Variants in TMA16 observed in about 807,000 individuals in gnomAD.
The protein encoded by TMA16 is translation machinery-associated protein 16.
Under a neutral mutation model 27.1 loss-of-function variants are expected in TMA16, and 26 were observed. The observed-to-expected ratio is 0.96, with a 90% CI of 0.70 to 1.33. TMA16 has a LOEUF of 1.33. Among genes scored for constraint, TMA16 ranks in the 40% most tolerant of loss-of-function variants. TMA16 has a pLI of 0.00. For synonymous variants in TMA16, 71 were observed against 81.9 expected (o/e 0.87, Z 0.72); for missense variants, 233 against 241.4 (o/e 0.97, Z 0.23).
chr4:163,495,279 G>T (rs770563972), intron 1 of TMA16, among the ~76,000 whole-genome samples: 3 of 152,146 alleles, frequency 2.0e-5, no homozygotes, highest in Non-Finnish European at 2.9e-5. Flanking sequence ...TCGCTCCAGG[G>T]CACTGAAGCA....
At chr4:163,514,624 C>A (rs568873821) in intron 4 of TMA16, among the ~76,000 whole-genome samples, 1 of 152,194 alleles carries the variant, frequency 6.6e-6, no homozygotes, top group Non-Finnish European at 1.5e-5. Flanking sequence ...AAAGTTGGGA[C>A]CTTATCCAAG....
At chr4:163,510,663 G>A (rs553525564) in intron 2 of TMA16, among the ~76,000 whole-genome samples, 25 of 152,032 alleles carry the variant, frequency 1.6e-4, no homozygotes, top group African/African-American at 5.8e-4. Flanking sequence ...GTCTATGTTC[G>A]TTTGGTTATA....
chr4:163,497,815 G>T (rs1156474607), intron 1 of TMA16, among the ~76,000 whole-genome samples: 1 of 152,154 alleles, frequency 6.6e-6, no homozygotes, highest in African/African-American at 2.4e-5. Context: ...TCAGGGCGTG[G>T]ATATCTTTTG....
intron 1 of TMA16, among the ~76,000 whole-genome samples, chr4:163,500,376 A>T (rs962115537): frequency 6.6e-6 from 1 of 151,900 alleles, no homozygotes; most frequent in African/African-American, 2.4e-5. Context: ...ACGCCTGGCT[A>T]ATTTTTGTAT....
At chr4:163,498,193 A>G (rs1355192795) in intron 1 of TMA16, among the ~76,000 whole-genome samples, 1 of 152,130 alleles carries the variant, frequency 6.6e-6, no homozygotes, top group Non-Finnish European at 1.5e-5. Context: ...TACCACAGAC[A>G]TTGCAATACT....
chr4:163,503,704 CAG>C (rs1737679834), intron 1 of TMA16, among the ~76,000 whole-genome samples: 1 of 151,612 alleles, frequency 6.6e-6, no homozygotes, highest in African/African-American at 2.4e-5. Context: ...TCTGTGGTGC[CAG>C]AGTCTTTTCA....
In TMA16 at chr4:163,494,721, T is replaced by C. The variant is rs139765399; in HGVS notation, c.-81T>C. The C allele has an allele frequency of 1.1e-3, 1,764 of 1,605,418 alleles. 12 individuals are homozygous for C. The African/African-American group carries it at 0.022, about 20-fold the overall frequency. ...CACGTGGGATTCGGCCCGGGTGCTC[T>C]TGTGAGCTGCTGCTCCTGCGGTTGG... On this transcript the variant is annotated 5_prime_UTR_variant, in exon 1 of 7. Transcript: ENST00000358572.
chr4:163,517,345 A>G (rs777717884), intron 5 of TMA16, 89 bp from the exon 6 acceptor site: 6 of 1,319,798 alleles, frequency 4.5e-6, no homozygotes, highest in Non-Finnish European at 6.4e-6. Context: ...TCTGTTGGAT[A>G]TTCTTGCTAA....
rs898575405 is a variant in TMA16 at position 163,519,939 on chromosome 4, T to C, written c.*425T>C. 8.6e-6 allele frequency: 5 copies of C among 581,904 alleles called. No individual in the cohort carries two copies. Among genetic ancestry groups the C allele is most frequent in the African/African-American group, 1.9e-5 (1 of 52,006 alleles). The allele number at this position is 581,904 out of a possible 1,614,324, so 36.0% of individuals were successfully genotyped here. On this transcript the variant is annotated 3_prime_UTR_variant, in exon 7 of 7. Transcript: ENST00000358572. ...TTGTTTTTCGGTAATAATATCACAC[T>C]AATGCTTCTTTTAAACATTAAACCT...
chr4:163,503,793 T>G (rs1737681746), intron 1 of TMA16, among the ~76,000 whole-genome samples: 1 of 152,146 alleles, frequency 6.6e-6, no homozygotes, highest in Non-Finnish European at 1.5e-5. Flanking sequence ...GTTGAAACAT[T>G]TTTTTCCAAA....
chr4:163,512,853 C>G lies in TMA16; in HGVS notation c.148C>G (p.Leu50Val). The G allele has an allele frequency of 6.2e-7, 1 of 1,606,558 alleles. No individual in the cohort carries two copies. Among genetic ancestry groups the G allele is most frequent in the Non-Finnish European group, 8.5e-7 (1 of 1,175,052 alleles). The change falls in exon 3 of 7, where the codon CTT (leucine) becomes GTT (valine). Residue 50 changes from leucine (L) to valine (V), a missense_variant. Physicochemically the swap from Leu to Val is conservative, Grantham distance 32. Transcript: ENST00000358572. ...GAATGAAAAGGCCTTGCGTCTCAACCTTGTTGGTAAGTGGGTTTACTTATT... is the reference window on the plus strand; with the variant it reads ...GAATGAAAAGGCCTTGCGTCTCAACGTTGTTGGTAAGTGGGTTTACTTATT... ...LKNEKALRLNLVGEKLQWFQN... is the reference protein window; with the variant it reads ...LKNEKALRLNVVGEKLQWFQN...
chr4:163,502,115 T>A (rs939163968), intron 1 of TMA16, among the ~76,000 whole-genome samples: 1 of 152,154 alleles, frequency 6.6e-6, no homozygotes, highest in African/African-American at 2.4e-5. Context: ...GTAGAGAATC[T>A]GGGAGAAGTT....
intron 1 of TMA16, among the ~76,000 whole-genome samples, chr4:163,498,376 C>T (rs1380735110): frequency 2.0e-5 from 3 of 150,620 alleles, no homozygotes; most frequent in Non-Finnish European, 4.4e-5. Context: ...CAAGCTCTGC[C>T]TCCCGGGTTC....
At chr4:163,508,034 T>A (rs1737741791) in intron 2 of TMA16, among the ~76,000 whole-genome samples, 2 of 152,116 alleles carry the variant, frequency 1.3e-5, no homozygotes, top group South Asian at 4.1e-4. Context: ...TTTTCTTTAT[T>A]TTCTGCAGGG....
intron 6 of TMA16, 89 bp downstream of exon 6, chr4:163,517,565 C>G: frequency 8.1e-7 from 1 of 1,232,792 alleles, no homozygotes; most frequent in Non-Finnish European, 1.1e-6. Context: ...GCCGGTAGAA[C>G]TAAAAGAAAA....
At position 163,519,943 on chromosome 4, in the gene TMA16, G is replaced by T; in HGVS notation, c.*429G>T. 1.7e-6 allele frequency: 1 copy of T among 581,542 alleles called. No individual in the cohort carries two copies. Among genetic ancestry groups the T allele is most frequent in the Admixed American group, 2.9e-5 (1 of 34,378 alleles). The allele number at this position is 581,542 out of a possible 1,614,324, so 36.0% of individuals were successfully genotyped here. A position where few individuals can be genotyped will look rare whatever the true frequency, so the allele number is the denominator to read the frequency against. On this transcript the variant is annotated 3_prime_UTR_variant, in exon 7 of 7. Coordinates refer to ENST00000358572, the MANE Select transcript of TMA16 (RefSeq NM_018352.3). Reference sequence around the variant, plus strand: ...TTTTCGGTAATAATATCACACTAATGCTTCTTTTAAACATTAAACCTATTT... The same window carrying T: ...TTTTCGGTAATAATATCACACTAATTCTTCTTTTAAACATTAAACCTATTT...
intron 1 of TMA16, among the ~76,000 whole-genome samples, chr4:163,505,887 G>C (rs1737712401): frequency 6.6e-6 from 1 of 152,188 alleles, no homozygotes; most frequent in Non-Finnish European, 1.5e-5. Flanking sequence ...TTAAGCAATT[G>C]ACAATAATTT....
intron 5 of TMA16, 150 bp from the exon 6 acceptor site, chr4:163,517,284 C>A (rs1168371871): frequency 1.3e-5 from 9 of 671,704 alleles, no homozygotes; most frequent in Non-Finnish European, 2.3e-5. Flanking sequence ...TAAACTAACC[C>A]CTTTTGCAAA....
chr4:163,514,037 T>C lies in TMA16; in HGVS notation c.155-37T>C, dbSNP rs77487778. 545 of 1,486,416 alleles carry C rather than the reference T, an allele frequency of 3.7e-4. No individual in the cohort carries two copies. In the African/African-American group the frequency reaches 7.2e-3, roughly 20 times the overall value. 92.1% of individuals were successfully genotyped at this position (1,486,416 alleles called of 1,614,324 possible). On this transcript the variant is annotated intron_variant, in intron 3 of 6. Transcript: ENST00000358572. ...AATATTTACTTGCTTAAATGATGAC[T>C]TGTGGGGTAAACTGTCTTGGTACTT... is the stretch of plus-strand genomic sequence containing the variant.
Sources: allele counts gnomAD v4.1 joint callset (sites outside exome capture counted in the v4.1 genomes callset), GRCh38; gene constraint gnomAD v4.1.1; transcripts MANE v1.5; gene names NCBI Gene and HGNC (gene_info 2026-07-23, HGNC 2026-07-21).